MACO1: variants seen among roughly 807,000 people sequenced by gnomAD.
MACO1 encodes macoilin 1, also known as macoilin.
Under a neutral mutation model 78.7 loss-of-function variants are expected in MACO1, and 14 were observed. The ratio of observed to expected loss-of-function variants is 0.18; its 90% CI spans 0.12 to 0.28. MACO1 has a LOEUF of 0.28. Among genes scored for constraint, MACO1 ranks in the 10% least tolerant of loss-of-function variants. MACO1 has a pLI of 1.00. For missense variants in MACO1, 501 were observed against 799.0 expected, an observed-to-expected ratio of 0.63 and a Z score of 4.50; for synonymous variants, 288 against 291.6, an observed-to-expected ratio of 0.99 and a Z score of 0.12.
rs561096652 is a variant in MACO1, at chr1:25,462,299, T to A, written c.1154+3407T>A. Reference sequence around the variant, plus strand: ...TAAAACTGATCTCTCCTTTTTTTTTTAATTTTAGATTTAGGAGGTACACGT... The same window carrying A: ...TAAAACTGATCTCTCCTTTTTTTTTAAATTTTAGATTTAGGAGGTACACGT... On this transcript the variant is annotated intron_variant, in intron 6 of 10. Transcript: ENST00000374343. Among the ~76,000 whole-genome samples the A allele has an allele frequency of 8.5e-5, 13 of 152,222 alleles. No individual in the cohort carries two copies. In the East Asian group the frequency reaches 1.7e-3, roughly 20 times the overall value.
chr1:25,473,452 A>G (rs2043292266), intron 6 of MACO1, among the ~76,000 whole-genome samples: 1 of 152,188 alleles, frequency 6.6e-6, no homozygotes, highest in Admixed American at 6.5e-5. Flanking sequence ...AGTAACATGT[A>G]GGTTATTGGG....
Position 25,485,837 on chromosome 1 carries a change from T to G in MACO1, c.1496+42T>G. The G allele has an allele frequency of 6.4e-7, 1 of 1,571,558 alleles. No homozygotes were observed. Among genetic ancestry groups the G allele is most frequent in the South Asian group, 1.2e-5 (1 of 84,056 alleles). On this transcript the variant is annotated intron_variant, in intron 8 of 10. Coordinates refer to ENST00000374343, the MANE Select transcript of MACO1 (RefSeq NM_018202.6). The surrounding 1 kb of genome is among the most constrained non-coding windows in gnomAD (Gnocchi z 4.3). ...TGAGTGTTTAATCCAAGGTTGGCTT[T>G]CCTTTACCAACAAAGACATGGGAAT...
At position 25,431,064 on chromosome 1, in the gene MACO1, G is replaced by A; in HGVS notation, c.-35G>A. The A allele has an allele frequency of 6.5e-7, 1 of 1,542,818 alleles. No individual in the cohort carries two copies. The highest frequency in any genetic ancestry group is 1.4e-5 in the African/African-American group (1 of 71,348). ...GCGGCAGCTGAGGTGAGAGACGGCG[G>A]CGGCGGCGCGGGCACCCGGCCCCCC... On this transcript the variant is annotated 5_prime_UTR_variant, in exon 1 of 11. Transcript: ENST00000374343.
At chr1:25,484,009 G>T (rs2043404288) in intron 6 of MACO1, 107 bp from the exon 7 acceptor site, 1 of 1,150,534 alleles carries the variant, frequency 8.7e-7, no homozygotes, top group Non-Finnish European at 1.2e-6. Flanking sequence ...TGCCAGCGGG[G>T]TCCTTTTTCT....
rs370610391 is a variant in MACO1, at chr1:25,496,056, T to C, written c.1793-2208T>C. The stretch of plus-strand genomic sequence containing the variant: ...AAGCTTTCTTATATTCCAAATAGAT[T>C]ATTGTCTTCTATAGGACCCATGAGC... On this transcript the variant is annotated intron_variant, in intron 10 of 10. Coordinates refer to ENST00000374343, the MANE Select transcript of MACO1 (RefSeq NM_018202.6). 2.6e-5 allele frequency among the ~76,000 whole-genome samples: 4 copies of C among 152,326 alleles called. No homozygotes were observed. The South Asian group carries it at 8.3e-4, about 32-fold the overall frequency.
intron 10 of MACO1, among the ~76,000 whole-genome samples, chr1:25,497,440 G>GA (rs34222763): frequency 0.013 from 2,045 of 152,158 alleles, 53 homozygotes; most frequent in African/African-American, 0.047. Flanking sequence ...GAGGCTCAGG[G>GA]AAAGTTTTGC....
chr1:25,453,821 A>G (rs183507668), intron 3 of MACO1, among the ~76,000 whole-genome samples: 25 of 152,192 alleles, frequency 1.6e-4, no homozygotes, highest in Admixed American at 5.9e-4. Flanking sequence ...TCCCTATGCT[A>G]TTATCTGTCT....
chr1:25,445,066 G>T (rs942889708), intron 1 of MACO1, among the ~76,000 whole-genome samples: 1 of 150,926 alleles, frequency 6.6e-6, no homozygotes, highest in African/African-American at 2.4e-5. Flanking sequence ...CTTTGGGAGG[G>T]TGAGACAGGA....
intron 1 of MACO1, among the ~76,000 whole-genome samples, chr1:25,439,840 G>A (rs528539206): frequency 5.3e-5 from 8 of 151,914 alleles, no homozygotes; most frequent in Admixed American, 3.9e-4. Context: ...CCAACTTGGA[G>A]AAACCCCGTC....
chr1:25,464,499 C>G (rs755050774), intron 6 of MACO1, among the ~76,000 whole-genome samples: 24 of 151,784 alleles, frequency 1.6e-4, no homozygotes, highest in Admixed American at 3.3e-4. Context: ...CAGCTGCCAT[C>G]ACACTCGGCT....
intron 1 of MACO1, among the ~76,000 whole-genome samples, chr1:25,439,239 GA>G (rs1407054806): frequency 2.6e-5 from 4 of 151,376 alleles, no homozygotes; most frequent in African/African-American, 7.3e-5. Context: ...TATTTTTAAA[GA>G]AAAAAAATAG....
intron 6 of MACO1, among the ~76,000 whole-genome samples, chr1:25,483,072 CAG>C: frequency 6.6e-6 from 1 of 152,264 alleles, no homozygotes; most frequent in African/African-American, 2.4e-5. Context: ...TTTTTTGAGA[CAG>C]AGTCTCACTC....
rs114752836 is a variant in MACO1 at position 25,442,677 on chromosome 1, A to G, written c.81-4085A>G. ...AGTACTGCTAAATGGATTGAGGTAA[A>G]AAAATGGTTGTAAATGGCAAAGGTA... On this transcript the variant is annotated intron_variant, in intron 1 of 10. Coordinates refer to ENST00000374343, the MANE Select transcript of MACO1 (RefSeq NM_018202.6). Among the ~76,000 whole-genome samples, 1,401 of 151,028 alleles carry G rather than the reference A, an allele frequency of 9.3e-3. 20 individuals are homozygous for G. Among genetic ancestry groups the G allele is most frequent in the African/African-American group, 0.031 (1,282 of 40,848 alleles).
Position 25,446,876 on chromosome 1 carries a change from C to CT in MACO1, c.196dup (p.Tyr66LeufsTer2), listed in dbSNP as rs2043019530. 6.2e-7 allele frequency: 1 copy of CT among 1,613,482 alleles called. No homozygotes were observed. On this transcript the variant is annotated frameshift_variant, in exon 2 of 11. Transcript: ENST00000374343. LOFTEE classifies it high-confidence loss of function. Reference sequence around the variant, plus strand: ...CATTCTGGCTTTTCATCAGAAGCGTCTATGATTCCTTCAGATACCAGGGAC... The same window carrying CT: ...CATTCTGGCTTTTCATCAGAAGCGTCTTATGATTCCTTCAGATACCAGGGAC...
In MACO1 at chr1:25,458,736, C is replaced by T; in HGVS notation, c.998C>T (p.Pro333Leu). The change falls in exon 6 of 11, where the codon CCT (proline) becomes CTT (leucine). Residue 333 changes from proline (P) to leucine (L), a missense_variant. Coordinates refer to ENST00000374343, the MANE Select transcript of MACO1 (RefSeq NM_018202.6). ...GCCAGTGGAGTTGTGAACTCTTCAC[C>T]TCGAAGTCATAGCGCCACAAATGGG... ...KNASGVVNSSPRSHSATNGSI... is the reference protein window; with the variant it reads ...KNASGVVNSSLRSHSATNGSI... The T allele has an allele frequency of 6.2e-7, 1 of 1,614,110 alleles. No homozygotes were observed. The highest frequency in any genetic ancestry group is 8.5e-7 in the Non-Finnish European group (1 of 1,180,036).
At chr1:25,433,978 T>C (rs959257345) in intron 1 of MACO1, among the ~76,000 whole-genome samples, 4 of 152,238 alleles carry the variant, frequency 2.6e-5, no homozygotes, top group African/African-American at 9.6e-5. Context: ...TTGGTCTTGC[T>C]TTAAAAAATC....
intron 1 of MACO1, among the ~76,000 whole-genome samples, chr1:25,433,450 C>A (rs2042893238): frequency 6.6e-6 from 1 of 152,134 alleles, no homozygotes; most frequent in Non-Finnish European, 1.5e-5. Context: ...ATCTATTGCC[C>A]ATTTTGTTTC....
chr1:25,486,216 G>T (rs2043429384), intron 8 of MACO1, among the ~76,000 whole-genome samples: 2 of 152,088 alleles, frequency 1.3e-5, no homozygotes, highest in Admixed American at 1.3e-4. Flanking sequence ...ATGGAAGAAA[G>T]ATAAAATCTT....
chr1:25,464,991 A>G (rs1389513784), intron 6 of MACO1, among the ~76,000 whole-genome samples: 1 of 85,374 alleles, frequency 1.2e-5, no homozygotes, highest in Non-Finnish European at 2.4e-5. Context: ...TTTTTTTTTT[A>G]ATATAGAGAC....
Sources: gnomAD v4.1 joint callset for allele counts (sites outside exome capture counted in the v4.1 genomes callset) on GRCh38, gnomAD v4.1.1 for gene constraint, Gnocchi (gnomAD v3.1) non-coding constraint, MANE v1.5 for transcripts, NCBI Gene and HGNC (gene_info 2026-07-23, HGNC 2026-07-21) for gene names.